The following CTNNA3 variants were observed in gnomAD, a reference collection of about 807,000 sequenced individuals.
CTNNA3 encodes catenin alpha 3.
A neutral mutation model predicts 95.7 loss-of-function variants in CTNNA3; 76 were observed. That is an observed-to-expected ratio of 0.79 (90% CI 0.66 to 0.96). The LOEUF (loss-of-function observed/expected upper bound fraction) is 0.96. CTNNA3 is among the 40% of genes least tolerant of loss of function. The pLI is 0.00. For synonymous variants in CTNNA3, 431 were observed against 374.4 expected (o/e 1.15, Z -1.74); for missense variants, 1,191 against 1,089.8 (o/e 1.09, Z -1.31).
chr10:67,244,961 T>C (rs1865854988), intron 5 of CTNNA3, among the ~76,000 whole-genome samples: 1 of 152,214 alleles, frequency 6.6e-6, no homozygotes, highest in Non-Finnish European at 1.5e-5. Flanking sequence ...CCTTCTCTCA[T>C]ATCCCACATC....
intron 13 of CTNNA3, among the ~76,000 whole-genome samples, chr10:66,143,044 T>A (rs529031824): frequency 6.6e-6 from 1 of 152,218 alleles, no homozygotes; most frequent in East Asian, 1.9e-4. Context: ...TATACAATAC[T>A]TTATGTATTT....
At chr10:66,091,639 T>A (rs992858130) in intron 14 of CTNNA3, among the ~76,000 whole-genome samples, 4 of 151,814 alleles carry the variant, frequency 2.6e-5, no homozygotes, top group African/African-American at 4.8e-5. Flanking sequence ...GGTAATGTTA[T>A]GGAAAAAAGT....
In CTNNA3 at chr10:67,332,937, C is replaced by G. The variant is rs556589791; in HGVS notation, c.580-113067G>C. 2.6e-5 allele frequency among the ~76,000 whole-genome samples: 4 copies of G among 152,266 alleles called. No homozygotes were observed. In the East Asian group the frequency reaches 7.7e-4, roughly 29 times the overall value. On this transcript the variant is annotated intron_variant, in intron 5 of 17. Transcript: ENST00000433211. ...TTATATGACTCTTTACGTCAAGTCT[C>G]TACACACTGGATTATATGAAGATCC... is the stretch of plus-strand genomic sequence containing the variant.
intron 5 of CTNNA3, among the ~76,000 whole-genome samples, chr10:67,509,071 TCA>T (rs930354607): frequency 4.7e-4 from 71 of 152,234 alleles, no homozygotes; most frequent in African/African-American, 1.6e-3. Flanking sequence ...AGACGGGGTT[TCA>T]CCATGTTGGC....
chr10:67,753,921 C>T (rs1248488222), intron 1 of CTNNA3, among the ~76,000 whole-genome samples: 1 of 152,204 alleles, frequency 6.6e-6, no homozygotes, highest in African/African-American at 2.4e-5. Flanking sequence ...CCTCAGGGAT[C>T]TAAAACCAGA....
At chr10:66,590,160 G>A (rs538952146) in intron 10 of CTNNA3, among the ~76,000 whole-genome samples, 1 of 152,144 alleles carries the variant, frequency 6.6e-6, no homozygotes, top group Non-Finnish European at 1.5e-5. Context: ...TAAGTTGAAG[G>A]CTTCCCAAAA....
intron 15 of CTNNA3, among the ~76,000 whole-genome samples, chr10:66,015,863 T>C (rs796553117): frequency 2.0e-5 from 3 of 152,312 alleles, no homozygotes; most frequent in African/African-American, 4.8e-5. Context: ...ACATGTAATA[T>C]GTTAGATATG....
intron 15 of CTNNA3, among the ~76,000 whole-genome samples, chr10:66,028,613 G>A (rs897327885): frequency 1.3e-5 from 2 of 150,092 alleles, no homozygotes; most frequent in Non-Finnish European, 3.0e-5. Flanking sequence ...GGGAAGGGGG[G>A]AGGGATAGCA....
chr10:67,288,742 C>T (rs1311747888), intron 5 of CTNNA3, among the ~76,000 whole-genome samples: 1 of 152,190 alleles, frequency 6.6e-6, no homozygotes, highest in African/African-American at 2.4e-5. Context: ...TGCTCAAATT[C>T]TGGACCCAAA....
chr10:66,913,852 C>T (rs1361851715), intron 7 of CTNNA3, among the ~76,000 whole-genome samples: 1 of 152,182 alleles, frequency 6.6e-6, no homozygotes, highest in African/African-American at 2.4e-5. Context: ...TGAAAAGCTA[C>T]ACTGAAGTAT....
At chr10:66,893,869 A>C (rs1012380854) in intron 7 of CTNNA3, among the ~76,000 whole-genome samples, 4 of 152,136 alleles carry the variant, frequency 2.6e-5, no homozygotes, top group African/African-American at 9.6e-5. Context: ...TCAGCAGAAA[A>C]AGTTTACAAG....
intron 3 of CTNNA3, among the ~76,000 whole-genome samples, chr10:67,606,434 G>A (rs1190342014): frequency 6.6e-6 from 1 of 152,182 alleles, no homozygotes; most frequent in Non-Finnish European, 1.5e-5. Context: ...AATTTGCAAG[G>A]TTAAAAATGT....
intron 7 of CTNNA3, among the ~76,000 whole-genome samples, chr10:66,983,710 T>C (rs951188591): frequency 6.6e-6 from 1 of 152,156 alleles, no homozygotes; most frequent in Non-Finnish European, 1.5e-5. Context: ...TTAGTCTTTC[T>C]CCACAGCAAA....
At chr10:67,188,747 G>A (rs1862982957) in intron 6 of CTNNA3, among the ~76,000 whole-genome samples, 1 of 152,124 alleles carries the variant, frequency 6.6e-6, no homozygotes, top group African/African-American at 2.4e-5. Context: ...CACCCTAAAT[G>A]TCTACCAATG....
intron 4 of CTNNA3, among the ~76,000 whole-genome samples, chr10:67,530,524 A>G (rs114775938): frequency 0.012 from 1,858 of 152,326 alleles, 44 homozygotes; most frequent in African/African-American, 0.042. Flanking sequence ...GATTTAGAGT[A>G]TCTGGTTTAA....
intron 15 of CTNNA3, among the ~76,000 whole-genome samples, chr10:66,036,755 T>C (rs2079570954): frequency 1.3e-5 from 2 of 152,000 alleles, no homozygotes; most frequent in Admixed American, 6.6e-5. Flanking sequence ...ACTATCCACA[T>C]ATACAAAGTT....
intron 5 of CTNNA3, among the ~76,000 whole-genome samples, chr10:67,319,765 G>A (rs568440170): frequency 1.3e-5 from 2 of 151,822 alleles, no homozygotes; most frequent in South Asian, 2.1e-4. Flanking sequence ...GCATGGTGGC[G>A]GGTGCCTGTA....
At chr10:66,379,958 A>G (rs1301992170) in intron 11 of CTNNA3, among the ~76,000 whole-genome samples, 2 of 152,240 alleles carry the variant, frequency 1.3e-5, no homozygotes, top group East Asian at 3.9e-4. Context: ...ATGCACAAAT[A>G]TGTGGAATAT....
intron 1 of CTNNA3, among the ~76,000 whole-genome samples, chr10:67,716,056 G>T (rs922537943): frequency 7.9e-5 from 12 of 152,110 alleles, no homozygotes; most frequent in Non-Finnish European, 1.0e-4. Flanking sequence ...AACGATCCTT[G>T]TTTGGGAATG....
Sources: gnomAD v4.1 joint callset for allele counts (sites outside exome capture counted in the v4.1 genomes callset) on GRCh38, gnomAD v4.1.1 for gene constraint, MANE v1.5 for transcripts, NCBI Gene and HGNC (gene_info 2026-07-23, HGNC 2026-07-21) for gene names.